TNNI3K: variants seen among roughly 807,000 people sequenced by gnomAD.
TNNI3K encodes the protein serine/threonine-protein kinase TNNI3K.
TNNI3K carries 140 observed loss-of-function variants against 114.5 expected under a neutral mutation model. The observed-to-expected ratio is 1.22, with a 90% CI of 1.07 to 1.41. TNNI3K has a LOEUF of 1.41. TNNI3K is among the 40% of genes most tolerant of loss of function. TNNI3K has a pLI of 0.00. For missense variants in TNNI3K, 1,125 were observed against 1,007.6 expected (o/e 1.12, Z -1.58); for synonymous variants, 347 against 347.5 (o/e 1.00, Z 0.02).
intron 17 of TNNI3K, among the ~76,000 whole-genome samples, chr1:74,424,827 T>C (rs1370625341): frequency 1.3e-5 from 2 of 152,222 alleles, no homozygotes; most frequent in South Asian, 2.1e-4. Context: ...CCATAATGTT[T>C]CTTGAGCTGC....
chr1:74,281,334 ATGTG>A (rs149830701), intron 5 of TNNI3K, among the ~76,000 whole-genome samples: 9 of 147,940 alleles, frequency 6.1e-5, no homozygotes, highest in Admixed American at 2.7e-4. Context: ...ACAATAATAG[ATGTG>A]TGTGTGTGTG....
At chr1:74,421,830 C>T (rs931720911) in intron 17 of TNNI3K, among the ~76,000 whole-genome samples, 12 of 151,952 alleles carry the variant, frequency 7.9e-5, no homozygotes, top group Non-Finnish European at 1.5e-4. Context: ...ATGGAATGGC[C>T]TCCTGGTCAC....
Position 74,368,097 on chromosome 1 carries a change from C to A in TNNI3K, c.1321+133C>A, listed in dbSNP as rs193043749. 1.2e-4 allele frequency: 97 copies of A among 824,766 alleles called. No homozygotes were observed. The African/African-American group carries it at 1.5e-3, about 13-fold the overall frequency. The allele number at this position is 824,766 out of a possible 1,614,324, so 51.1% of individuals were successfully genotyped here. ...AAGCACAACAAATATTATTGACAGACCGTTCTTTTCATAATTAACCTTACC... is the reference window on the plus strand; with the variant it reads ...AAGCACAACAAATATTATTGACAGAACGTTCTTTTCATAATTAACCTTACC... On this transcript the variant is annotated intron_variant, in intron 13 of 24. Transcript: ENST00000326637.
At chr1:74,248,688 A>T (rs1654743026) in intron 2 of TNNI3K, among the ~76,000 whole-genome samples, 1 of 152,156 alleles carries the variant, frequency 6.6e-6, no homozygotes, top group African/African-American at 2.4e-5. Flanking sequence ...TTAGAAGCCA[A>T]ACTTTCTCTC....
At chr1:74,416,492 A>G in intron 17 of TNNI3K, 1 of 982,514 alleles carries the variant, frequency 1.0e-6, no homozygotes, top group Non-Finnish European at 1.2e-6. Context: ...GAGGCTTTAC[A>G]CTAGTAGGTG....
At chr1:74,364,805 G>A (rs200129379) in intron 11 of TNNI3K, among the ~76,000 whole-genome samples, 1 of 151,416 alleles carries the variant, frequency 6.6e-6, no homozygotes, top group East Asian at 1.9e-4. Context: ...AAGGAATGTG[G>A]GTGGCCTATA....
At position 74,378,992 on chromosome 1, in the gene TNNI3K, G is replaced by A. The variant is rs566070636; in HGVS notation, c.1772+8600G>A. 7.9e-5 allele frequency among the ~76,000 whole-genome samples: 12 copies of A among 151,944 alleles called. No homozygotes were observed. In the South Asian group the frequency reaches 1.9e-3, roughly 24 times the overall value. On this transcript the variant is annotated intron_variant, in intron 17 of 24. Coordinates refer to ENST00000326637, the MANE Select transcript of TNNI3K (RefSeq NM_015978.3). ...TACTAAATATTTTTAGTTTATTAAT[G>A]TATTTTCACAATTTATGAACTAATA...
chr1:74,292,271 A>G (rs1657727411), intron 5 of TNNI3K, among the ~76,000 whole-genome samples: 1 of 151,200 alleles, frequency 6.6e-6, no homozygotes, highest in African/African-American at 2.4e-5. Context: ...AACTTCATAT[A>G]ATTTCACTAC....
chr1:74,240,030 T>C, intron 2 of TNNI3K: 2 of 464,508 alleles, frequency 4.3e-6, no homozygotes, highest in Non-Finnish European at 8.9e-6. Flanking sequence ...AAGGGCACCT[T>C]AGAGTACCAT....
In TNNI3K at chr1:74,328,556, T is replaced by C. The variant is rs529915043; in HGVS notation, c.445-2894T>C. On this transcript the variant is annotated intron_variant, in intron 5 of 24. Coordinates refer to ENST00000326637, the MANE Select transcript of TNNI3K (RefSeq NM_015978.3). ...AAATGCATTGCTCTCAATGGTTAAA[T>C]ATTTTCTTGAATTTTAAAACAAACT... Among the ~76,000 whole-genome samples the C allele has an allele frequency of 1.3e-3, 197 of 152,264 alleles. 6 individuals carry two copies. Among genetic ancestry groups the C allele is most frequent in the Non-Finnish European group, 1.3e-3 (91 of 67,978 alleles).
At chr1:74,306,948 G>A (rs1351882832) in intron 5 of TNNI3K, among the ~76,000 whole-genome samples, 3 of 152,080 alleles carry the variant, frequency 2.0e-5, no homozygotes, top group Admixed American at 2.0e-4. Flanking sequence ...GTCAATTCCC[G>A]AAGAGTTTTT....
chr1:74,339,217 C>G (rs999184521), intron 7 of TNNI3K, among the ~76,000 whole-genome samples: 1 of 152,110 alleles, frequency 6.6e-6, no homozygotes, highest in Non-Finnish European at 1.5e-5. Flanking sequence ...CAATTTTTAA[C>G]ATTTTCTTTT....
chr1:74,398,852 T>C (rs1664214873), intron 17 of TNNI3K, among the ~76,000 whole-genome samples: 1 of 152,110 alleles, frequency 6.6e-6, no homozygotes, highest in East Asian at 1.9e-4. Context: ...AAAAGCATAC[T>C]ACTAAACTAA....
chr1:74,303,327 TA>T (rs1050148041), intron 5 of TNNI3K, among the ~76,000 whole-genome samples: 5 of 152,094 alleles, frequency 3.3e-5, no homozygotes, highest in East Asian at 1.9e-4. Flanking sequence ...CATGCCCAGA[TA>T]TTTTTTTTCT....
intron 5 of TNNI3K, among the ~76,000 whole-genome samples, chr1:74,284,809 T>C (rs1032463885): frequency 2.0e-5 from 3 of 152,228 alleles, no homozygotes; most frequent in Non-Finnish European, 4.4e-5. Context: ...AAGCTTAGCG[T>C]TCCAATAATG....
At chr1:74,337,056 A>G (rs1244156626) in intron 7 of TNNI3K, among the ~76,000 whole-genome samples, 1 of 150,562 alleles carries the variant, frequency 6.6e-6, no homozygotes, top group South Asian at 2.1e-4. Flanking sequence ...CTGGTGTGAG[A>G]TGGTATCTCA....
intron 17 of TNNI3K, chr1:74,416,647 T>A: frequency 1.5e-5 from 11 of 742,938 alleles, no homozygotes; most frequent in Non-Finnish European, 1.8e-5. Context: ...TGAAATTAGA[T>A]ACATGAATTT....
At chr1:74,306,864 A>G (rs1489803941) in intron 5 of TNNI3K, among the ~76,000 whole-genome samples, 8 of 152,076 alleles carry the variant, frequency 5.3e-5, no homozygotes, top group Admixed American at 3.3e-4. Flanking sequence ...CTTTAGTTTG[A>G]TTAAGTCCCA....
At chr1:74,390,386 G>A (rs150192461) in intron 17 of TNNI3K, among the ~76,000 whole-genome samples, 133 of 152,190 alleles carry the variant, frequency 8.7e-4, no homozygotes, top group African/African-American at 3.1e-3. Flanking sequence ...CAGCAAATTG[G>A]CTTATATTCT....
Sources: allele counts gnomAD v4.1 joint callset (sites outside exome capture counted in the v4.1 genomes callset), GRCh38; gene constraint gnomAD v4.1.1; transcripts MANE v1.5; gene names NCBI Gene and HGNC (gene_info 2026-07-23, HGNC 2026-07-21).